SLC35A5: variants seen among roughly 807,000 people sequenced by gnomAD.
The protein encoded by SLC35A5 is solute carrier family 35 member A5, also known as UDP-sugar transporter protein SLC35A5.
SLC35A5 carries 28 observed loss-of-function variants against 36.3 expected under a neutral mutation model. That is an observed-to-expected ratio of 0.77 (90% CI 0.57 to 1.06). The LOEUF is 1.06. Ranked by LOEUF, SLC35A5 falls within the 50% of genes least tolerant of loss-of-function variation. SLC35A5 has a pLI of 0.00. For synonymous variants in SLC35A5, 180 were observed against 173.7 expected, an observed-to-expected ratio of 1.04 and a Z score of -0.29; for missense variants, 521 against 499.3, an observed-to-expected ratio of 1.04 and a Z score of -0.41.
At chr3:112,575,972 C>G (rs1934652276) in intron 5 of SLC35A5, among the ~76,000 whole-genome samples, 1 of 151,930 alleles carries the variant, frequency 6.6e-6, no homozygotes, top group South Asian at 2.1e-4. Context: ...TTTGGCCAGG[C>G]TGGCCTCAAA....
intron 2 of SLC35A5, among the ~76,000 whole-genome samples, chr3:112,565,780 GA>G (rs888176018): frequency 2.0e-5 from 3 of 148,350 alleles, no homozygotes; most frequent in African/African-American, 5.0e-5. Context: ...CAAGAAAAAA[GA>G]AAAAAAAAAG....
Position 112,563,421 on chromosome 3 carries a change from T to C in SLC35A5, c.18T>C (p.Cys6=). The C allele has an allele frequency of 1.9e-6, 3 of 1,574,580 alleles. No individual in the cohort carries two copies. The highest frequency in any genetic ancestry group is 2.6e-6 in the Non-Finnish European group (3 of 1,150,948). Residue 6 remains cysteine (C), a synonymous_variant, in exon 2 of 7, where the codon TGT becomes TGC. Coordinates refer to ENST00000492406, the MANE Select transcript of SLC35A5 (RefSeq NM_017945.5). ...ACAGTGGAATGGAAAAACAGTGCTG[T>C]AGTCATCCTGTAATATGCTCCTTGT... MEKQC[C]SHPVICSLST...
chr3:112,563,113 A>ATTCT (rs1220851073), intron 1 of SLC35A5, among the ~76,000 whole-genome samples: 7 of 152,236 alleles, frequency 4.6e-5, no homozygotes, highest in Admixed American at 4.6e-4. Flanking sequence ...GCTTTGAAGA[A>ATTCT]TTCTTTTCTG....
At chr3:112,580,454 T>A in intron 5 of SLC35A5, 92 bp from the exon 6 acceptor site, 1 of 1,398,136 alleles carries the variant, frequency 7.2e-7, no homozygotes, top group South Asian at 1.5e-5. Context: ...TCCAGTTTAT[T>A]CAACCAAATA....
chr3:112,563,676 T>C (rs1934056846), intron 2 of SLC35A5, 143 bp downstream of exon 2: 1 of 923,352 alleles, frequency 1.1e-6, no homozygotes, highest in South Asian at 3.6e-5. Flanking sequence ...AATTTGATTA[T>C]TTAACCTTGC....
At chr3:112,581,656 C>T (rs1934936962) in intron 6 of SLC35A5, among the ~76,000 whole-genome samples, 2 of 151,536 alleles carry the variant, frequency 1.3e-5, no homozygotes, top group South Asian at 4.1e-4. Context: ...AAATGGTTTA[C>T]AGATAATAAA....
At chr3:112,565,248 C>T (rs1223828447) in intron 2 of SLC35A5, among the ~76,000 whole-genome samples, 1 of 152,094 alleles carries the variant, frequency 6.6e-6, no homozygotes, top group African/African-American at 2.4e-5. Context: ...ATTGATATAT[C>T]CTGAAGATGC....
At chr3:112,579,284 C>T (rs1533159) in intron 5 of SLC35A5, among the ~76,000 whole-genome samples, 24,054 of 152,082 alleles carry the variant, frequency 0.16, 4,453 homozygotes, top group African/African-American at 0.44. Flanking sequence ...ACTGTTTCCT[C>T]CCTTAGAGCG....
At chr3:112,567,311 A>T (rs146725154) in intron 2 of SLC35A5, among the ~76,000 whole-genome samples, 2 of 150,738 alleles carry the variant, frequency 1.3e-5, no homozygotes, top group East Asian at 4.0e-4. Context: ...AGAAGGGAAG[A>T]TTTGTTTTGA....
At position 112,582,768 on chromosome 3, in the gene SLC35A5, A is replaced by G. The variant is rs773782160; in HGVS notation, c.*32A>G. On this transcript the variant is annotated 3_prime_UTR_variant, in exon 7 of 7. Coordinates refer to ENST00000492406, the MANE Select transcript of SLC35A5 (RefSeq NM_017945.5). Reference sequence around the variant, plus strand: ...CCCACATAGTTTGCAGCTCTCTTGAACCTTATTTTCACATTTTCAGTGTTT... The same window carrying G: ...CCCACATAGTTTGCAGCTCTCTTGAGCCTTATTTTCACATTTTCAGTGTTT... The G allele has an allele frequency of 7.9e-6, 12 of 1,524,964 alleles. No homozygotes were observed. The highest frequency in any genetic ancestry group is 1.1e-5 in the Non-Finnish European group (12 of 1,105,386). 94.5% of individuals were successfully genotyped at this position (1,524,964 alleles called of 1,614,324 possible).
At chr3:112,569,516 A>G (rs868463671) in intron 3 of SLC35A5, among the ~76,000 whole-genome samples, 15 of 152,228 alleles carry the variant, frequency 9.9e-5, no homozygotes, top group South Asian at 6.2e-4. Context: ...CTATTACTCT[A>G]TCTTGTTACT....
chr3:112,583,046 A>C lies in SLC35A5; in HGVS notation c.*310A>C, dbSNP rs1304878193. 1 of 445,532 alleles carries C rather than the reference A, an allele frequency of 2.2e-6. No homozygotes were observed. Among genetic ancestry groups the C allele is most frequent in the East Asian group, 3.3e-5 (1 of 30,064 alleles). 27.6% of individuals were successfully genotyped at this position (445,532 alleles called of 1,614,324 possible). On this transcript the variant is annotated 3_prime_UTR_variant, in exon 7 of 7. Transcript: ENST00000492406. ...AGCTTCCAAAAAACTTGTAATAATC[A>C]TGTTAGCTATAGCTTGTATATACAC...
chr3:112,577,995 C>G (rs1026320553), intron 5 of SLC35A5, among the ~76,000 whole-genome samples: 1 of 152,168 alleles, frequency 6.6e-6, no homozygotes, highest in Admixed American at 6.5e-5. Flanking sequence ...GTGCTCTTAT[C>G]TGACACAATT....
Position 112,585,296 on chromosome 3 carries a change from C to A in SLC35A5, c.*2560C>A, listed in dbSNP as rs1239629544. The A allele has an allele frequency of 6.6e-6, 1 of 152,048 alleles. No individual in the cohort carries two copies. The highest frequency in any genetic ancestry group is 1.5e-5 in the Non-Finnish European group (1 of 68,020). The allele number at this position is 152,048 out of a possible 1,614,324, so 9.4% of individuals were successfully genotyped here. ...ATGAGAACAGCATGGGGGAAACTGCCCCCATGATTCAATTACCCCCACCTG... is the reference window on the plus strand; with the variant it reads ...ATGAGAACAGCATGGGGGAAACTGCACCCATGATTCAATTACCCCCACCTG... On this transcript the variant is annotated 3_prime_UTR_variant, in exon 7 of 7. Coordinates refer to ENST00000492406, the MANE Select transcript of SLC35A5 (RefSeq NM_017945.5).
In SLC35A5 at chr3:112,581,126, C is replaced by A. The variant is rs1197355967; in HGVS notation, c.1009C>A (p.Gln337Lys). The A allele has an allele frequency of 2.5e-6, 4 of 1,614,000 alleles. No homozygotes were observed. Among genetic ancestry groups the A allele is most frequent in the Non-Finnish European group, 3.4e-6 (4 of 1,179,950 alleles). The stretch of plus-strand genomic sequence containing the variant: ...TAACATGTTCCATGTCTTGATGGCC[C>A]AGGTTACCACTGTCATTATCACAAC... ...LDNMFHVLMAQVTTVIITTVS... is the reference protein window; with the variant it reads ...LDNMFHVLMAKVTTVIITTVS... Residue 337 changes from glutamine (Q) to lysine (K), a missense_variant, in exon 6 of 7, where the codon CAG becomes AAG. By Grantham distance (53) the Gln-to-Lys change is moderately conservative. Transcript: ENST00000492406.
At position 112,580,606 on chromosome 3, in the gene SLC35A5, C is replaced by T. The variant is rs753385363; in HGVS notation, c.489C>T (p.Ala163=). The T allele has an allele frequency of 1.9e-6, 3 of 1,614,046 alleles. No individual in the cohort carries two copies. The highest frequency in any genetic ancestry group is 4.5e-5 in the East Asian group (2 of 44,882). Residue 163 remains alanine (A), a synonymous_variant, in exon 6 of 7, where the codon GCC becomes GCT. Transcript: ENST00000492406. The part of the protein sequence containing the change: ...SLLTLFLSIV[A]LTAGTKTLQH... The stretch of plus-strand genomic sequence containing the variant: ...TGACTTTATTTTTGTCTATTGTGGC[C>T]TTGACTGCCGGGACTAAAACTTTAC...
chr3:112,570,059 G>T (rs1487164606), intron 3 of SLC35A5, among the ~76,000 whole-genome samples: 1 of 152,148 alleles, frequency 6.6e-6, no homozygotes, highest in African/African-American at 2.4e-5. Flanking sequence ...CTCTGCTACA[G>T]TGCCTAAGTT....
rs151177314 is a variant in SLC35A5 at position 112,581,274 on chromosome 3, G to C, written c.1157G>C (p.Arg386Thr). Residue 386 changes from arginine (R) to threonine (T), a missense_variant, in exon 6 of 7, where the codon AGG (arginine) becomes ACG (threonine). Arg to Thr is a moderately conservative substitution (Grantham distance 71, BLOSUM62 -1). Transcript: ENST00000492406. ...SKPQVPEYAP[R>T]QERIRDLSGN... ...CCTCAAGTTCCGGAATACGCACCTA[G>C]GCAAGAAAGGATCCGAGATCTAAGT... is the stretch of plus-strand genomic sequence containing the variant. 1.2e-6 allele frequency: 2 copies of C among 1,613,326 alleles called. No individual in the cohort carries two copies. The highest frequency in any genetic ancestry group is 2.7e-5 in the African/African-American group (2 of 74,882).
At chr3:112,566,761 C>T (rs1934214121) in intron 2 of SLC35A5, among the ~76,000 whole-genome samples, 2 of 152,212 alleles carry the variant, frequency 1.3e-5, no homozygotes, top group African/African-American at 2.4e-5. Context: ...GGAGATAAGA[C>T]CTGAATGGAA....
Sources: allele counts gnomAD v4.1 joint callset (sites outside exome capture counted in the v4.1 genomes callset), GRCh38; gene constraint gnomAD v4.1.1; transcripts MANE v1.5; gene names NCBI Gene and HGNC (gene_info 2026-07-23, HGNC 2026-07-21).